The following CSMD1 variants were observed in gnomAD, a reference collection of about 807,000 sequenced individuals.
CSMD1 encodes the protein CUB and sushi domain-containing protein 1.
A neutral mutation model predicts 417.5 loss-of-function variants in CSMD1; 213 were observed. The ratio of observed to expected loss-of-function variants is 0.51; its 90% confidence interval spans 0.46 to 0.57. The LOEUF (loss-of-function observed/expected upper bound fraction) is 0.57. Ranked by LOEUF, CSMD1 falls within the 20% of genes least tolerant of loss-of-function variation. The pLI is 0.00. For synonymous variants in CSMD1, 2,862 were observed against 1,736.8 expected (o/e 1.65, Z -16.11); for missense variants, 6,923 against 4,529.7 (o/e 1.53, Z -15.17).
intron 2 of CSMD1, among the ~76,000 whole-genome samples, chr8:4,631,510 A>C (rs1196440236): frequency 6.6e-6 from 1 of 152,022 alleles, no homozygotes; most frequent in Non-Finnish European, 1.5e-5. Context: ...CTCTAGTCTA[A>C]TATGATCCTA....
intron 1 of CSMD1, among the ~76,000 whole-genome samples, chr8:4,756,903 C>T (rs1189904797): frequency 1.3e-5 from 2 of 152,228 alleles, no homozygotes; most frequent in Admixed American, 1.3e-4. Flanking sequence ...TCCAAATCAT[C>T]CTTTAACCGG....
intron 2 of CSMD1, among the ~76,000 whole-genome samples, chr8:4,608,240 G>C (rs1221625774): frequency 6.6e-6 from 1 of 152,182 alleles, no homozygotes; most frequent in Non-Finnish European, 1.5e-5. Flanking sequence ...TTGAGCTGGA[G>C]ATTTATGACT....
intron 1 of CSMD1, among the ~76,000 whole-genome samples, chr8:4,664,559 T>C (rs1272980668): frequency 6.6e-6 from 1 of 152,138 alleles, no homozygotes; most frequent in Non-Finnish European, 1.5e-5. Flanking sequence ...AGAGCGTGTC[T>C]TGAAAATAAA....
chr8:3,033,160 C>T (rs1810456789), intron 50 of CSMD1, among the ~76,000 whole-genome samples: 1 of 152,052 alleles, frequency 6.6e-6, no homozygotes, highest in African/African-American at 2.4e-5. Context: ...ATCTATAACA[C>T]TTAACTGTAC....
chr8:3,526,077 C>T (rs1797741772), intron 10 of CSMD1, among the ~76,000 whole-genome samples: 1 of 152,132 alleles, frequency 6.6e-6, no homozygotes, highest in African/African-American at 2.4e-5. Context: ...AAAGAACCAT[C>T]AACATGCTGA....
intron 10 of CSMD1, among the ~76,000 whole-genome samples, chr8:3,553,571 C>G (rs141251847): frequency 6.6e-6 from 1 of 152,194 alleles, no homozygotes; most frequent in Admixed American, 6.5e-5. Context: ...AATTACAGCT[C>G]TACCTTTTAT....
chr8:3,787,573 G>C (rs1459196978), intron 5 of CSMD1, among the ~76,000 whole-genome samples: 2 of 152,052 alleles, frequency 1.3e-5, no homozygotes, highest in Non-Finnish European at 2.9e-5. Context: ...GATTTTCCAG[G>C]TACCTTAATT....
intron 1 of CSMD1, among the ~76,000 whole-genome samples, chr8:4,829,521 C>A (rs557724474): frequency 6.6e-6 from 1 of 152,064 alleles, no homozygotes; most frequent in Non-Finnish European, 1.5e-5. Flanking sequence ...GCAGGAGGAT[C>A]TCTTGAGCCC....
At chr8:4,328,841 T>G (rs984844077) in intron 3 of CSMD1, among the ~76,000 whole-genome samples, 2 of 152,234 alleles carry the variant, frequency 1.3e-5, no homozygotes, top group African/African-American at 4.8e-5. Flanking sequence ...GCTTAAGCAA[T>G]TCTTGCTAGA....
intron 5 of CSMD1, among the ~76,000 whole-genome samples, chr8:3,838,962 TA>T (rs1802910343): frequency 1.0e-5 from 1 of 99,936 alleles, no homozygotes; most frequent in Admixed American, 1.2e-4. Context: ...ATCTATAAAT[TA>T]ATATTATATA....
At chr8:3,201,553 A>T in intron 32 of CSMD1, 59 bp downstream of exon 32, 2 of 870,044 alleles carry the variant, frequency 2.3e-6, no homozygotes, top group South Asian at 2.0e-5. Flanking sequence ...CAGACAAGTT[A>T]AAAATTAATC....
At chr8:4,048,831 A>G (rs189524218) in intron 3 of CSMD1, among the ~76,000 whole-genome samples, 1 of 152,350 alleles carries the variant, frequency 6.6e-6, no homozygotes, top group African/African-American at 2.4e-5. Context: ...ACTCAATAGT[A>G]CACCTTAGAA....
At chr8:4,131,499 G>A (rs1486845646) in intron 3 of CSMD1, among the ~76,000 whole-genome samples, 3 of 152,000 alleles carry the variant, frequency 2.0e-5, no homozygotes, top group Non-Finnish European at 2.9e-5. Context: ...TTTTCCCCTT[G>A]GATATTCACT....
chr8:3,875,018 G>A (rs949482903), intron 5 of CSMD1, among the ~76,000 whole-genome samples: 4 of 152,148 alleles, frequency 2.6e-5, no homozygotes, highest in African/African-American at 7.2e-5. Context: ...AAGAATGGAT[G>A]CAAGCACAAA....
chr8:4,606,381 T>C (rs1010999051), intron 2 of CSMD1, among the ~76,000 whole-genome samples: 1 of 152,146 alleles, frequency 6.6e-6, no homozygotes, highest in Non-Finnish European at 1.5e-5. Flanking sequence ...GTTCTTTCTG[T>C]GCCAGAGGTG....
chr8:3,799,713 T>G (rs1800357205), intron 5 of CSMD1, among the ~76,000 whole-genome samples: 1 of 152,024 alleles, frequency 6.6e-6, no homozygotes, highest in Admixed American at 6.6e-5. Context: ...CAGCTGAACG[T>G]TTGACATTCT....
intron 3 of CSMD1, among the ~76,000 whole-genome samples, chr8:4,067,482 ACT>A (rs67360151): frequency 0.42 from 63,838 of 151,282 alleles, 14,208 homozygotes; most frequent in Non-Finnish European, 0.47. Context: ...GAAATAAATT[ACT>A]TTTTTTTTTA....
At chr8:4,965,235 T>G (rs1189941961) in intron 1 of CSMD1, among the ~76,000 whole-genome samples, 1 of 152,182 alleles carries the variant, frequency 6.6e-6, no homozygotes, top group Non-Finnish European at 1.5e-5. Flanking sequence ...ACATTTCAGA[T>G]TTTAAAAATG....
At chr8:4,621,472 G>C (rs1468040782) in intron 2 of CSMD1, among the ~76,000 whole-genome samples, 1 of 152,000 alleles carries the variant, frequency 6.6e-6, no homozygotes, top group Non-Finnish European at 1.5e-5. Flanking sequence ...TGGATATCTT[G>C]AAAAACATAA....
Sources: allele counts gnomAD v4.1 joint callset (sites outside exome capture counted in the v4.1 genomes callset), GRCh38; gene constraint gnomAD v4.1.1; transcripts MANE v1.5; gene names NCBI Gene and HGNC (gene_info 2026-07-23, HGNC 2026-07-21).